Variants in CAMK1D observed in about 807,000 individuals in gnomAD.
The protein encoded by CAMK1D is calcium/calmodulin-dependent protein kinase type 1D.
In CAMK1D, 9 loss-of-function variants were observed where a neutral mutation model predicts 47.7. That is an observed-to-expected ratio of 0.19 (90% confidence interval 0.11 to 0.33). The LOEUF is 0.33. Ranked by LOEUF, CAMK1D falls within the 10% of genes least tolerant of loss-of-function variation. CAMK1D has a pLI of 1.00. For missense variants in CAMK1D, 291 were observed against 488.7 expected (o/e 0.60, Z 3.81); for synonymous variants, 184 against 184.9 (o/e 0.99, Z 0.04).
chr10:12,446,521 C>T (rs12251190), intron 1 of CAMK1D, among the ~76,000 whole-genome samples: 10,879 of 152,156 alleles, frequency 0.071, 492 homozygotes, highest in Non-Finnish European at 0.095. Flanking sequence ...TATCTTGTGC[C>T]GACCTCCTGT....
intron 1 of CAMK1D, among the ~76,000 whole-genome samples, chr10:12,493,405 T>G (rs1251905025): frequency 1.3e-5 from 2 of 152,166 alleles, no homozygotes; most frequent in Non-Finnish European, 2.9e-5. Flanking sequence ...TTCTTAACCT[T>G]TTAATGTCTG....
intron 3 of CAMK1D, among the ~76,000 whole-genome samples, chr10:12,714,368 G>C (rs969645497): frequency 1.5e-4 from 23 of 151,956 alleles, no homozygotes; most frequent in Admixed American, 7.2e-4. Flanking sequence ...AGGTTTAAAA[G>C]TATATTTATA....
At chr10:12,528,101 G>A (rs1007018091) in intron 1 of CAMK1D, among the ~76,000 whole-genome samples, 8 of 152,182 alleles carry the variant, frequency 5.3e-5, no homozygotes, top group African/African-American at 1.9e-4. Context: ...CTATTAGGTG[G>A]GTAGTGTTAG....
At chr10:12,814,145 C>T in intron 6 of CAMK1D, 50 bp from the exon 7 acceptor site, 1 of 1,216,132 alleles carries the variant, frequency 8.2e-7, no homozygotes, top group East Asian at 2.3e-5. Context: ...TGTACAGTCA[C>T]CACACTGGTT....
chr10:12,471,401 C>T (rs969788734), intron 1 of CAMK1D, among the ~76,000 whole-genome samples: 2 of 152,180 alleles, frequency 1.3e-5, no homozygotes, highest in African/African-American at 4.8e-5. Flanking sequence ...AGGTGGTGAA[C>T]CTGTTTCTTA....
chr10:12,816,958 G>A (rs1413782638), intron 8 of CAMK1D, among the ~76,000 whole-genome samples: 4 of 151,676 alleles, frequency 2.6e-5, no homozygotes, highest in East Asian at 1.9e-4. Context: ...ACAGTTCCAC[G>A]TGGCTGGGGA....
intron 1 of CAMK1D, among the ~76,000 whole-genome samples, chr10:12,386,378 A>G (rs546947757): frequency 1.3e-5 from 2 of 152,154 alleles, no homozygotes; most frequent in East Asian, 3.9e-4. Context: ...TGGAGGTTGC[A>G]GTGAGCTGAG....
chr10:12,717,829 G>T (rs1308631426), intron 3 of CAMK1D, among the ~76,000 whole-genome samples: 1 of 149,486 alleles, frequency 6.7e-6, no homozygotes, highest in African/African-American at 2.5e-5. Flanking sequence ...AGGAGTTTGA[G>T]GCTACAGTGA....
intron 2 of CAMK1D, among the ~76,000 whole-genome samples, chr10:12,560,195 G>A (rs1362430014): frequency 2.0e-5 from 3 of 152,116 alleles, no homozygotes; most frequent in Non-Finnish European, 2.9e-5. Context: ...CTGTTCACTT[G>A]TTTAAACCAC....
At chr10:12,375,243 T>G (rs1451876065) in intron 1 of CAMK1D, among the ~76,000 whole-genome samples, 2 of 152,222 alleles carry the variant, frequency 1.3e-5, no homozygotes, top group African/African-American at 4.8e-5. Context: ...TATTTGGTTC[T>G]GTTTTAAAAA....
At chr10:12,783,800 AAG>A (rs1270200823) in intron 5 of CAMK1D, among the ~76,000 whole-genome samples, 1 of 152,166 alleles carries the variant, frequency 6.6e-6, no homozygotes, top group African/African-American at 2.4e-5. Flanking sequence ...AATCAATATA[AAG>A]TAGCTTGGTT....
At chr10:12,649,711 A>G (rs192938309) in intron 2 of CAMK1D, among the ~76,000 whole-genome samples, 44 of 152,296 alleles carry the variant, frequency 2.9e-4, no homozygotes, top group African/African-American at 1.0e-3. Flanking sequence ...TGAAGTTGAC[A>G]TGTTGCAGGA....
At chr10:12,416,906 C>G (rs963168545) in intron 1 of CAMK1D, among the ~76,000 whole-genome samples, 1 of 152,164 alleles carries the variant, frequency 6.6e-6, no homozygotes, top group Non-Finnish European at 1.5e-5. Flanking sequence ...GGTAGACTCC[C>G]TAAAAACCTT....
At chr10:12,538,885 C>CAAAAAAA (rs60713871) in intron 1 of CAMK1D, among the ~76,000 whole-genome samples, 1 of 89,200 alleles carries the variant, frequency 1.1e-5, no homozygotes, top group Non-Finnish European at 2.2e-5. Flanking sequence ...AAAACTGAGG[C>CAAAAAAA]AAAAAAAAAA....
intron 3 of CAMK1D, among the ~76,000 whole-genome samples, chr10:12,739,369 G>A (rs1051157834): frequency 7.9e-5 from 12 of 151,744 alleles, no homozygotes; most frequent in Admixed American, 3.3e-4. Context: ...TCCGCCTCTC[G>A]GGTTTAAGCA....
chr10:12,446,880 T>G (rs1832940082), intron 1 of CAMK1D, among the ~76,000 whole-genome samples: 1 of 152,198 alleles, frequency 6.6e-6, no homozygotes, highest in Non-Finnish European at 1.5e-5. Context: ...CTTTGAGAAT[T>G]CTTTGATCTT....
intron 1 of CAMK1D, among the ~76,000 whole-genome samples, chr10:12,373,353 C>T (rs144642077): frequency 4.3e-4 from 66 of 151,850 alleles, no homozygotes; most frequent in African/African-American, 1.4e-3. Flanking sequence ...AAAAACAGTC[C>T]AGGTGCTGTG....
chr10:12,613,427 T>G, intron 2 of CAMK1D, among the ~76,000 whole-genome samples: 1 of 152,226 alleles, frequency 6.6e-6, no homozygotes, highest in East Asian at 1.9e-4. Flanking sequence ...TCATCTAAAG[T>G]ATGTGAAGCA....
chr10:12,578,284 G>A (rs1033878201), intron 2 of CAMK1D, among the ~76,000 whole-genome samples: 6 of 152,176 alleles, frequency 3.9e-5, no homozygotes, highest in East Asian at 1.9e-4. Context: ...AGTGGCTCAC[G>A]CCTGTAATCC....
Sources: allele counts gnomAD v4.1 joint callset (sites outside exome capture counted in the v4.1 genomes callset), GRCh38; gene constraint gnomAD v4.1.1; transcripts MANE v1.5; gene names NCBI Gene and HGNC (gene_info 2026-07-23, HGNC 2026-07-21).